Variants in SFXN5 observed in about 807,000 individuals in gnomAD.
SFXN5 encodes the protein sideroflexin-5.
A neutral mutation model predicts 50.2 loss-of-function variants in SFXN5; 43 were observed. The ratio of observed to expected loss-of-function variants is 0.86; its 90% CI spans 0.67 to 1.11. The LOEUF (loss-of-function observed/expected upper bound fraction) is 1.11, where lower values mean the gene tolerates loss of function less well. Ranked by LOEUF, SFXN5 falls within the 50% of genes least tolerant of loss-of-function variation. The probability of loss-of-function intolerance (pLI) is 0.00; values close to 1 mark genes in which losing one functional copy is unlikely to be tolerated. For synonymous variants in SFXN5, 203 were observed against 185.8 expected (o/e 1.09, Z -0.75); for missense variants, 463 against 454.1 (o/e 1.02, Z -0.18).
Position 72,953,005 on chromosome 2 carries a change from G to A in SFXN5, c.946-7906C>T, listed in dbSNP as rs1573936378. Among the ~76,000 whole-genome samples the A allele has an allele frequency of 6.6e-6, 1 of 152,168 alleles. No individual in the cohort carries two copies. The highest frequency in any genetic ancestry group is 2.1e-4 in the South Asian group (1 of 4,836). ...CAGCTAGGTGTCCTGGAAGGTCCTG[G>A]AAAAAAGAACTGTGGGGGAAAGGCT... On this transcript the variant is annotated intron_variant, in intron 13 of 13. Transcript: ENST00000272433. The surrounding 1 kb of genome is among the most constrained non-coding windows in gnomAD (Gnocchi z 4.1).
intron 13 of SFXN5, among the ~76,000 whole-genome samples, chr2:72,954,935 C>T (rs1285817494): frequency 2.0e-5 from 3 of 152,250 alleles, no homozygotes; most frequent in Admixed American, 2.0e-4. Context: ...TTAGTTCCAA[C>T]ACCTCATCTT....
chr2:73,011,441 C>G (rs1285866468), intron 6 of SFXN5, among the ~76,000 whole-genome samples: 1 of 152,080 alleles, frequency 6.6e-6, no homozygotes, highest in Non-Finnish European at 1.5e-5. Context: ...TTAAAGACAT[C>G]AATATTTAAA....
chr2:73,071,434 G>C, intron 1 of SFXN5, 170 bp downstream of exon 1: 1 of 618,160 alleles, frequency 1.6e-6, no homozygotes, highest in Non-Finnish European at 2.8e-6. Flanking sequence ...CGCCCGCCCC[G>C]TTGACCAATG....
intron 12 of SFXN5, among the ~76,000 whole-genome samples, chr2:72,963,233 C>T (rs56216262): frequency 0.21 from 32,496 of 152,006 alleles, 3,896 homozygotes; most frequent in East Asian, 0.47. Flanking sequence ...TGCCCACAGC[C>T]CTGAGAGCAG....
rs1426784578 is a variant in SFXN5 at position 73,021,406 on chromosome 2, T to C, written c.331+1116A>G. Among the ~76,000 whole-genome samples the C allele has an allele frequency of 2.0e-5, 3 of 152,014 alleles. No individual in the cohort carries two copies. The East Asian group carries it at 5.8e-4, about 29-fold the overall frequency. On this transcript the variant is annotated intron_variant, in intron 5 of 13. Transcript: ENST00000272433. Reference sequence around the variant, plus strand: ...GGCTGAGGCAGGAGAATCGCTTGAATCTGGGAGGTGGAGGTTGCAATGAGC... The same window carrying C: ...GGCTGAGGCAGGAGAATCGCTTGAACCTGGGAGGTGGAGGTTGCAATGAGC...
chr2:73,025,975 A>C (rs902161290), intron 3 of SFXN5, among the ~76,000 whole-genome samples: 3 of 152,136 alleles, frequency 2.0e-5, no homozygotes, highest in Admixed American at 6.5e-5. Context: ...AGCTCTGAGG[A>C]CACCACAGGC....
chr2:73,039,503 GC>G (rs1679349265), intron 3 of SFXN5, among the ~76,000 whole-genome samples: 1 of 152,150 alleles, frequency 6.6e-6, no homozygotes, highest in Non-Finnish European at 1.5e-5. Flanking sequence ...ATATGTATAG[GC>G]CCCAAAACCA....
intron 13 of SFXN5, among the ~76,000 whole-genome samples, chr2:72,955,077 C>T (rs1672931070): frequency 6.6e-6 from 1 of 152,184 alleles, no homozygotes; most frequent in African/African-American, 2.4e-5. Context: ...CCCAACATCA[C>T]CTAGGGATGG....
At chr2:72,948,561 CAGAG>C (rs1672192893) in intron 13 of SFXN5, among the ~76,000 whole-genome samples, 1 of 152,234 alleles carries the variant, frequency 6.6e-6, no homozygotes, top group Non-Finnish European at 1.5e-5. Flanking sequence ...ACATTAAAAT[CAGAG>C]AGGCTGCTCA....
At chr2:73,062,620 C>T (rs1242086443) in intron 1 of SFXN5, among the ~76,000 whole-genome samples, 2 of 152,182 alleles carry the variant, frequency 1.3e-5, no homozygotes, top group Non-Finnish European at 2.9e-5. Flanking sequence ...CAGACACCTA[C>T]AAACTCCTAA....
intron 6 of SFXN5, among the ~76,000 whole-genome samples, chr2:73,010,039 C>T (rs1420224968): frequency 6.6e-6 from 1 of 152,160 alleles, no homozygotes; most frequent in African/African-American, 2.4e-5. Flanking sequence ...TACCCAGTTA[C>T]CCAGTTTAAC....
intron 13 of SFXN5, among the ~76,000 whole-genome samples, chr2:72,957,680 T>G (rs562127891): frequency 6.6e-6 from 1 of 152,378 alleles, no homozygotes; most frequent in Non-Finnish European, 1.5e-5. Context: ...GATCCCTGTA[T>G]GGCAGAAGAA....
intron 9 of SFXN5, 90 bp from the exon 10 acceptor site, chr2:72,988,438 G>T: frequency 9.1e-7 from 1 of 1,096,452 alleles, no homozygotes; most frequent in Non-Finnish European, 1.3e-6. Flanking sequence ...GAACATCAGA[G>T]AGTGAGGGAT....
chr2:73,064,138 G>A (rs1683009564), intron 1 of SFXN5, among the ~76,000 whole-genome samples: 1 of 152,176 alleles, frequency 6.6e-6, no homozygotes, highest in South Asian at 2.1e-4. Context: ...GGAAGAGCAG[G>A]CCTTGGGAGC....
chr2:72,997,162 T>G (rs2105657541), intron 9 of SFXN5: 1 of 152,312 alleles, frequency 6.6e-6, no homozygotes, highest in African/African-American at 2.4e-5. Flanking sequence ...AAAGAGATCT[T>G]GGGCATGAAA....
rs1673715378 is a variant in SFXN5 at position 72,961,315 on chromosome 2, T to C, written c.828-67A>G. ...GGGGTGGGCTGGCTGCCAGCCACCA[T>C]GCTGGGTCCCACTCTGTCTCTGGGC... On this transcript the variant is annotated intron_variant, in intron 12 of 13. Transcript: ENST00000272433. This position sits in a 1 kb window ranked among gnomAD's most constrained non-coding sequence, Gnocchi z 4.4. 2 of 1,114,952 alleles carry C rather than the reference T, an allele frequency of 1.8e-6. No individual in the cohort carries two copies. The highest frequency in any genetic ancestry group is 2.5e-6 in the Non-Finnish European group (2 of 802,780). The allele number at this position is 1,114,952 out of a possible 1,614,324, so 69.1% of individuals were successfully genotyped here.
intron 2 of SFXN5, chr2:73,049,121 A>G (rs1680903062): frequency 6.6e-6 from 1 of 152,262 alleles, no homozygotes; most frequent in Non-Finnish European, 1.5e-5. Context: ...ATAATTTATA[A>G]AGAACAGAAA....
At chr2:73,012,109 T>C (rs769579592) in intron 6 of SFXN5, among the ~76,000 whole-genome samples, 1 of 152,228 alleles carries the variant, frequency 6.6e-6, no homozygotes, top group African/African-American at 2.4e-5. Flanking sequence ...TATATTGTTA[T>C]ATTTTAATGG....
At chr2:73,043,082 A>C (rs898175075) in intron 2 of SFXN5, among the ~76,000 whole-genome samples, 2 of 151,820 alleles carry the variant, frequency 1.3e-5, no homozygotes, top group African/African-American at 4.9e-5. Context: ...ATAAATAAAT[A>C]AACAAATAAA....
Sources: allele counts gnomAD v4.1 joint callset (sites outside exome capture counted in the v4.1 genomes callset), GRCh38; gene constraint gnomAD v4.1.1; non-coding constraint Gnocchi (gnomAD v3.1); transcripts MANE v1.5; gene names NCBI Gene and HGNC (gene_info 2026-07-23, HGNC 2026-07-21).